The following BRSK2 variants were observed in gnomAD, a reference collection of about 807,000 sequenced individuals.
BRSK2 encodes the protein BR serine/threonine kinase 2.
In BRSK2, 19 loss-of-function variants were observed where a neutral mutation model predicts 83.3. The observed-to-expected ratio is 0.23, with a 90% CI of 0.16 to 0.33. BRSK2 has a LOEUF of 0.33. Among genes scored for constraint, BRSK2 ranks in the 10% least tolerant of loss-of-function variants. The probability of loss-of-function intolerance (pLI) is 1.00; values close to 1 mark genes in which losing one functional copy is unlikely to be tolerated. For synonymous variants in BRSK2, 519 were observed against 435.4 expected (o/e 1.19, Z -2.39); for missense variants, 798 against 1,042.3 (o/e 0.77, Z 3.23).
chr11:1,460,738 C>T lies in BRSK2; in HGVS notation c.*15C>T, dbSNP rs767331870. ...AGCAGCCTTAGACACACTAGCCCCCCCCCCCAGCACAGCACTGACAGCGGC... is the reference window on the plus strand; with the variant it reads ...AGCAGCCTTAGACACACTAGCCCCCTCCCCCAGCACAGCACTGACAGCGGC... On this transcript the variant is annotated 3_prime_UTR_variant, in exon 20 of 20. Coordinates refer to ENST00000528841, the MANE Select transcript of BRSK2 (RefSeq NM_001256627.2). 34 of 1,408,052 alleles carry T rather than the reference C, an allele frequency of 2.4e-5. No individual in the cohort carries two copies. Among genetic ancestry groups the T allele is most frequent in the Middle Eastern group, 2.5e-4 (1 of 3,950 alleles). 87.2% of individuals were successfully genotyped at this position (1,408,052 alleles called of 1,614,324 possible).
At chr11:1,457,838 G>A (rs1846819776) in intron 18 of BRSK2, among the ~76,000 whole-genome samples, 1 of 152,004 alleles carries the variant, frequency 6.6e-6, no homozygotes, top group Non-Finnish European at 1.5e-5. Flanking sequence ...GCGGGCTGGG[G>A]GCTGAGGTCC....
intron 1 of BRSK2, among the ~76,000 whole-genome samples, chr11:1,421,758 T>G (rs900503616): frequency 3.3e-5 from 5 of 151,756 alleles, no homozygotes; most frequent in Non-Finnish European, 5.9e-5. Flanking sequence ...GCCCCCAGAC[T>G]GAGGAGGCCG....
At chr11:1,443,684 G>A (rs748047973) in intron 8 of BRSK2, 49 bp downstream of exon 8, 14 of 1,491,044 alleles carry the variant, frequency 9.4e-6, no homozygotes, top group Middle Eastern at 2.0e-4. Flanking sequence ...GGGGGGGCGC[G>A]GGGGCGGGCG....
Position 1,390,472 on chromosome 11 carries a change from A to G in BRSK2, c.91+97A>G. On this transcript the variant is annotated intron_variant, in intron 1 of 19. Transcript: ENST00000528841. The surrounding 1 kb of genome is among the most constrained non-coding windows in gnomAD (Gnocchi z 6.8). ...AGGGAGGCCCCGGCCGCGAAGCCGCAGGCCCGGCCCGGGCCCCGGCCGCGA... is the reference window on the plus strand; with the variant it reads ...AGGGAGGCCCCGGCCGCGAAGCCGCGGGCCCGGCCCGGGCCCCGGCCGCGA... The G allele has an allele frequency of 1.5e-6, 1 of 652,238 alleles. No individual in the cohort carries two copies. The highest frequency in any genetic ancestry group is 1.9e-6 in the Non-Finnish European group (1 of 527,076). The allele number at this position is 652,238 out of a possible 1,614,324, so 40.4% of individuals were successfully genotyped here. A position where few individuals can be genotyped will look rare whatever the true frequency, so the allele number is the denominator to read the frequency against.
rs930784970 is a variant in BRSK2 at position 1,390,958 on chromosome 11, G to A, written c.91+583G>A. ...GGGCTCGGGCGGGCGGAGCGTCTGT[G>A]ACCTGCATTCCCACGGGGCAGGGAG... On this transcript the variant is annotated intron_variant, in intron 1 of 19. Transcript: ENST00000528841. This position sits in a 1 kb window ranked among gnomAD's most constrained non-coding sequence, Gnocchi z 6.8. Among the ~76,000 whole-genome samples, 1 of 152,194 alleles carries A rather than the reference G, an allele frequency of 6.6e-6. No homozygotes were observed.
chr11:1,414,799 G>C (rs968206729), intron 1 of BRSK2, among the ~76,000 whole-genome samples: 11 of 152,176 alleles, frequency 7.2e-5, no homozygotes, highest in Admixed American at 2.6e-4. Flanking sequence ...ACGTGTCACA[G>C]ACACTGGTCC....
chr11:1,393,392 G>A (rs558289531), intron 1 of BRSK2, among the ~76,000 whole-genome samples: 1 of 152,284 alleles, frequency 6.6e-6, no homozygotes, highest in East Asian at 1.9e-4. Context: ...GTTCTTGGGG[G>A]CAGGCGGGTG....
At chr11:1,402,300 C>T (rs547493575) in intron 1 of BRSK2, among the ~76,000 whole-genome samples, 1 of 152,334 alleles carries the variant, frequency 6.6e-6, no homozygotes, top group South Asian at 2.1e-4. Context: ...CCCTTTGTGA[C>T]AGACTCCTCC....
At chr11:1,445,210 C>T in intron 9 of BRSK2, 84 bp from the exon 10 acceptor site, 2 of 1,524,314 alleles carry the variant, frequency 1.3e-6, no homozygotes, top group Non-Finnish European at 1.8e-6. Context: ...ATGAAGGGCC[C>T]CAGGTGAGGG....
At chr11:1,446,306 G>A (rs1852109738) in intron 12 of BRSK2, among the ~76,000 whole-genome samples, 1 of 150,550 alleles carries the variant, frequency 6.6e-6, no homozygotes, top group South Asian at 2.1e-4. Context: ...GGCTGAGCTG[G>A]GCTAGGCTGC....
chr11:1,449,884 A>T lies in BRSK2; in HGVS notation c.1287+48A>T, dbSNP rs574027494. On this transcript the variant is annotated intron_variant, in intron 13 of 19. Coordinates refer to ENST00000528841, the MANE Select transcript of BRSK2 (RefSeq NM_001256627.2). Reference sequence around the variant, plus strand: ...CCAGCTCGGATGCACAGAGGCCCCAACCCTCCCAGTCAGCGTGTGCCAGGG... The same window carrying T: ...CCAGCTCGGATGCACAGAGGCCCCATCCCTCCCAGTCAGCGTGTGCCAGGG... 43 of 1,446,412 alleles carry T rather than the reference A, an allele frequency of 3.0e-5. 1 individual carries two copies. In the South Asian group the frequency reaches 3.4e-4, roughly 11 times the overall value. 89.6% of individuals were successfully genotyped at this position (1,446,412 alleles called of 1,614,324 possible). A position where few individuals can be genotyped will look rare whatever the true frequency, so the allele number is the denominator to read the frequency against.
intron 12 of BRSK2, chr11:1,447,965 T>A: frequency 8.5e-7 from 1 of 1,172,854 alleles, no homozygotes; most frequent in Non-Finnish European, 1.2e-6. Flanking sequence ...CGGGCTGGGC[T>A]GCAGGGCTCC....
At chr11:1,424,504 T>C (rs757531839) in intron 1 of BRSK2, among the ~76,000 whole-genome samples, 1 of 152,138 alleles carries the variant, frequency 6.6e-6, no homozygotes, top group Non-Finnish European at 1.5e-5. Context: ...CCCCCTTCAC[T>C]GGGGTGGGGC....
intron 4 of BRSK2, 91 bp downstream of exon 4, chr11:1,441,019 C>T (rs1851156320): frequency 2.6e-6 from 3 of 1,145,554 alleles, no homozygotes; most frequent in Non-Finnish European, 2.5e-6. Flanking sequence ...AAGGACTACA[C>T]CCCCTATGGT....
intron 2 of BRSK2, among the ~76,000 whole-genome samples, chr11:1,436,703 C>A (rs527715586): frequency 6.6e-6 from 1 of 152,214 alleles, no homozygotes; most frequent in African/African-American, 2.4e-5. Flanking sequence ...GAGGCTGGGG[C>A]TCCCAGCTGC....
intron 3 of BRSK2, among the ~76,000 whole-genome samples, chr11:1,439,298 C>T (rs1850813371): frequency 6.6e-6 from 1 of 152,086 alleles, no homozygotes; most frequent in Non-Finnish European, 1.5e-5. Context: ...TCGTGGGGAG[C>T]ATGTGCAGGT....
chr11:1,426,907 C>T (rs2132913560), intron 1 of BRSK2, among the ~76,000 whole-genome samples: 1 of 152,244 alleles, frequency 6.6e-6, no homozygotes, highest in South Asian at 2.1e-4. Context: ...TGGGAAGCCC[C>T]CTGGGTCTGC....
chr11:1,435,950 TG>T, intron 1 of BRSK2, 89 bp from the exon 2 acceptor site: 3 of 946,770 alleles, frequency 3.2e-6, no homozygotes, highest in African/African-American at 1.6e-5. Context: ...GTCCAGGACG[TG>T]GGAGGAGGCC....
chr11:1,415,695 C>A (rs1256052794), intron 1 of BRSK2, among the ~76,000 whole-genome samples: 2 of 152,242 alleles, frequency 1.3e-5, no homozygotes, highest in African/African-American at 4.8e-5. Context: ...GCCTGCTCTG[C>A]CCCCTTGGGT....
Sources: gnomAD v4.1 joint callset for allele counts (sites outside exome capture counted in the v4.1 genomes callset) on GRCh38, gnomAD v4.1.1 for gene constraint, Gnocchi (gnomAD v3.1) non-coding constraint, MANE v1.5 for transcripts, NCBI Gene and HGNC (gene_info 2026-07-23, HGNC 2026-07-21) for gene names.